The following MINDY3 variants were observed in gnomAD, a reference collection of about 807,000 sequenced individuals.
The protein encoded by MINDY3 is ubiquitin carboxyl-terminal hydrolase MINDY-3.
MINDY3 carries 38 observed loss-of-function variants against 69.2 expected under a neutral mutation model. The observed-to-expected ratio is 0.55, with a 90% CI of 0.42 to 0.72. The LOEUF is 0.72. Ranked by LOEUF, MINDY3 falls within the 30% of genes least tolerant of loss-of-function variation. The pLI is 0.00. For synonymous variants in MINDY3, 192 were observed against 180.1 expected (o/e 1.07, Z -0.53); for missense variants, 522 against 519.0 (o/e 1.01, Z -0.06).
chr10:15,801,780 T>G (rs1305743471), intron 10 of MINDY3, among the ~76,000 whole-genome samples: 1 of 152,068 alleles, frequency 6.6e-6, no homozygotes, highest in Non-Finnish European at 1.5e-5. Context: ...AACATATTCC[T>G]GCTAGAGAAC....
At position 15,784,462 on chromosome 10, in the gene MINDY3, G is replaced by A. The variant is rs552641965; in HGVS notation, c.1116+2099C>T. ...GTGGCTGATTAAATAAATGTTTACT[G>A]GGCCTCGTGAGGTGGCTCATACCTG... On this transcript the variant is annotated intron_variant, in intron 13 of 14. Coordinates refer to ENST00000277632, the MANE Select transcript of MINDY3 (RefSeq NM_024948.4). Among the ~76,000 whole-genome samples, 15 of 152,188 alleles carry A rather than the reference G, an allele frequency of 9.9e-5. No homozygotes were observed. The South Asian group carries it at 3.1e-3, about 32-fold the overall frequency.
At chr10:15,824,084 A>G (rs1298928689) in intron 8 of MINDY3, among the ~76,000 whole-genome samples, 1 of 152,164 alleles carries the variant, frequency 6.6e-6, no homozygotes, top group African/African-American at 2.4e-5. Flanking sequence ...TGGTGCTGCA[A>G]TTAGCATGCA....
At chr10:15,822,042 T>C (rs1839803896) in intron 8 of MINDY3, among the ~76,000 whole-genome samples, 2 of 152,054 alleles carry the variant, frequency 1.3e-5, no homozygotes, top group Non-Finnish European at 2.9e-5. Flanking sequence ...TTGACAAAAA[T>C]ACAAGAAGAA....
intron 10 of MINDY3, among the ~76,000 whole-genome samples, chr10:15,803,812 C>T (rs975902592): frequency 4.6e-5 from 7 of 152,034 alleles, no homozygotes; most frequent in African/African-American, 1.7e-4. Context: ...CAAATGTACA[C>T]TAATCCTACA....
chr10:15,843,415 C>T, intron 2 of MINDY3, 143 bp from the exon 3 acceptor site: 1 of 668,270 alleles, frequency 1.5e-6, no homozygotes, highest in Non-Finnish European at 2.7e-6. Flanking sequence ...ATGGGTTCCC[C>T]TCACATTTGA....
Position 15,833,620 on chromosome 10 carries a change from A to G in MINDY3, c.730+10T>C, listed in dbSNP as rs1269029839. 2.0e-6 allele frequency: 3 copies of G among 1,527,222 alleles called. No homozygotes were observed. In the Admixed American group the frequency reaches 5.0e-5, roughly 26 times the overall value. 94.6% of individuals were successfully genotyped at this position (1,527,222 alleles called of 1,614,324 possible). On this transcript the variant is annotated intron_variant, in intron 8 of 14. Coordinates refer to ENST00000277632, the MANE Select transcript of MINDY3 (RefSeq NM_024948.4). ...ATCAAAGAGAGCAACATAACAAGGAATATACTTACTCATTCCTGAGCACTC... is the reference window on the plus strand; with the variant it reads ...ATCAAAGAGAGCAACATAACAAGGAGTATACTTACTCATTCCTGAGCACTC...
chr10:15,814,027 C>G (rs1839190557), intron 10 of MINDY3, among the ~76,000 whole-genome samples: 1 of 148,120 alleles, frequency 6.8e-6, no homozygotes, highest in Admixed American at 6.7e-5. Context: ...ACAGCCAAAA[C>G]TGCTTGCTCA....
chr10:15,836,669 T>C (rs1833104352), intron 6 of MINDY3, among the ~76,000 whole-genome samples: 1 of 151,276 alleles, frequency 6.6e-6, no homozygotes, highest in African/African-American at 2.4e-5. Context: ...AAAGGTAACC[T>C]GAGCAAATGA....
chr10:15,827,176 T>TAAAAAAAA (rs56332799), intron 8 of MINDY3, among the ~76,000 whole-genome samples: 3 of 44,858 alleles, frequency 6.7e-5, no homozygotes, highest in African/African-American at 2.1e-4. Context: ...ATAACAGGAG[T>TAAAAAAAA]AAAAAAAAAA....
At chr10:15,792,049 C>G (rs1166180643) in intron 11 of MINDY3, among the ~76,000 whole-genome samples, 2 of 151,978 alleles carry the variant, frequency 1.3e-5, no homozygotes, top group South Asian at 4.1e-4. Flanking sequence ...GCCCACTGTA[C>G]TTGAGACTAA....
At chr10:15,859,000 G>A (rs971090356) in intron 1 of MINDY3, among the ~76,000 whole-genome samples, 3 of 152,102 alleles carry the variant, frequency 2.0e-5, no homozygotes, top group Non-Finnish European at 2.9e-5. Context: ...TGAAAACAGA[G>A]GTATATTAGG....
intron 8 of MINDY3, among the ~76,000 whole-genome samples, chr10:15,831,574 T>C (rs913911537): frequency 6.6e-6 from 1 of 152,090 alleles, no homozygotes; most frequent in East Asian, 1.9e-4. Flanking sequence ...AAAAACGACA[T>C]ATGTGTACAT....
At chr10:15,848,416 CG>C (rs985037749) in intron 1 of MINDY3, among the ~76,000 whole-genome samples, 18 of 151,758 alleles carry the variant, frequency 1.2e-4, no homozygotes, top group African/African-American at 4.4e-4. Flanking sequence ...GGGCGGATCA[CG>C]AGGTCAGGAG....
chr10:15,831,273 G>C (rs955314766), intron 8 of MINDY3, among the ~76,000 whole-genome samples: 9 of 152,140 alleles, frequency 5.9e-5, no homozygotes, highest in Non-Finnish European at 1.2e-4. Flanking sequence ...TTGTAATGAG[G>C]TTTCTTTTCT....
chr10:15,786,540 A>G (rs1416109983), intron 13 of MINDY3, 21 bp downstream of exon 13: 4 of 1,328,870 alleles, frequency 3.0e-6, no homozygotes, highest in Admixed American at 3.6e-5. Flanking sequence ...AACAATGAAT[A>G]TATTTCCTCA....
rs138947226 is a variant in MINDY3 at position 15,792,333 on chromosome 10, C to T, written c.956-3014G>A. 5.3e-5 allele frequency among the ~76,000 whole-genome samples: 8 copies of T among 152,054 alleles called. No homozygotes were observed. In the East Asian group the frequency reaches 5.8e-4, roughly 11 times the overall value. The stretch of plus-strand genomic sequence containing the variant: ...GCACAGTGGTTGACTCATAGCTGCT[C>T]GTTAACATTTGTTACTTTTAATGAT... On this transcript the variant is annotated intron_variant, in intron 11 of 14. Transcript: ENST00000277632.
At chr10:15,800,873 A>AT (rs1838210073) in intron 10 of MINDY3, among the ~76,000 whole-genome samples, 1 of 152,184 alleles carries the variant, frequency 6.6e-6, no homozygotes, top group Non-Finnish European at 1.5e-5. Flanking sequence ...ATGTAAGTGC[A>AT]GGGTTGCTAT....
intron 8 of MINDY3, among the ~76,000 whole-genome samples, chr10:15,824,269 T>C (rs1839948719): frequency 1.3e-5 from 2 of 152,218 alleles, no homozygotes; most frequent in Admixed American, 6.5e-5. Flanking sequence ...TTCTCTTTTC[T>C]CTATCTTCGC....
chr10:15,833,757 A>G (rs760107264), intron 7 of MINDY3, 48 bp from the exon 8 acceptor site: 3 of 1,175,510 alleles, frequency 2.6e-6, no homozygotes, highest in Admixed American at 3.4e-5. Context: ...TAGTTGCCAA[A>G]TCAAATAATT....
Sources: allele counts gnomAD v4.1 joint callset (sites outside exome capture counted in the v4.1 genomes callset), GRCh38; gene constraint gnomAD v4.1.1; transcripts MANE v1.5; gene names NCBI Gene and HGNC (gene_info 2026-07-23, HGNC 2026-07-21).